CHCHD3: variants seen among roughly 807,000 people sequenced by gnomAD.
CHCHD3 encodes the protein MICOS complex subunit MIC19.
CHCHD3 carries 20 observed loss-of-function variants against 38.2 expected under a neutral mutation model. That is an observed-to-expected ratio of 0.52 (90% CI 0.37 to 0.76). The LOEUF (loss-of-function observed/expected upper bound fraction) is 0.76. CHCHD3 is among the 30% of genes least tolerant of loss of function. The probability of loss-of-function intolerance (pLI) is 0.00; values close to 1 mark genes in which losing one functional copy is unlikely to be tolerated. For missense variants in CHCHD3, 245 were observed against 279.2 expected, an observed-to-expected ratio of 0.88 and a Z score of 0.87; for synonymous variants, 82 against 100.0, an observed-to-expected ratio of 0.82 and a Z score of 1.07.
intron 4 of CHCHD3, among the ~76,000 whole-genome samples, chr7:132,969,009 A>G (rs563013424): frequency 6.6e-6 from 1 of 152,302 alleles, no homozygotes; most frequent in Non-Finnish European, 1.5e-5. Flanking sequence ...TACAGCACAA[A>G]ATTAATCAAT....
chr7:132,812,852 T>C (rs569815007), intron 6 of CHCHD3, among the ~76,000 whole-genome samples: 191 of 152,306 alleles, frequency 1.3e-3, no homozygotes, highest in Middle Eastern at 3.4e-3. Flanking sequence ...TAGATTTCCC[T>C]TCAGAACCCC....
chr7:133,034,508 C>CTTTTTTTTTTTTTT lies in CHCHD3; in HGVS notation c.170-9895_170-9882dup, dbSNP rs146912120. 36 of 285,176 alleles carry CTTTTTTTTTTTTTT rather than the reference C, an allele frequency of 1.3e-4. 2 individuals are homozygous for CTTTTTTTTTTTTTT. The highest frequency in any genetic ancestry group is 3.0e-4 in the Admixed American group (4 of 13,394). 17.7% of individuals were successfully genotyped at this position (285,176 alleles called of 1,614,324 possible). A position where few individuals can be genotyped will look rare whatever the true frequency, so the allele number is the denominator to read the frequency against. On this transcript the variant is annotated intron_variant, in intron 2 of 7. Coordinates refer to ENST00000262570, the MANE Select transcript of CHCHD3 (RefSeq NM_017812.4). Reference sequence around the variant, plus strand: ...AGTCCTTTCAGCAATTGGATCCAGTCTTTTTTTTTTTTTTTTTTTTTTCAA... The same window carrying CTTTTTTTTTTTTTT: ...AGTCCTTTCAGCAATTGGATCCAGTCTTTTTTTTTTTTTTTTTTTTTTTTTTTTTTTTTTTTCAA...
chr7:132,918,300 T>C lies in CHCHD3; in HGVS notation c.370-32555A>G, dbSNP rs368107974. ...AGGACCATGGGAAGACTTCATGGGC[T>C]ACCCAGGCTTTAGATTCCCCATCAG... On this transcript the variant is annotated intron_variant, in intron 4 of 7. Transcript: ENST00000262570. Among the ~76,000 whole-genome samples, 7 of 152,298 alleles carry C rather than the reference T, an allele frequency of 4.6e-5. No homozygotes were observed. The South Asian group carries it at 6.2e-4, about 14-fold the overall frequency.
intron 3 of CHCHD3, 146 bp downstream of exon 3, chr7:133,024,400 C>T (rs1455561691): frequency 2.0e-5 from 14 of 691,914 alleles, no homozygotes; most frequent in South Asian, 1.4e-4. Context: ...AATCTAAAAC[C>T]GAAAATGGCC....
intron 4 of CHCHD3, chr7:132,973,922 G>A (rs900595626): frequency 2.4e-6 from 3 of 1,266,904 alleles, no homozygotes; most frequent in African/African-American, 1.5e-5. Context: ...GCTCCAATGA[G>A]GACTAAAGGT....
chr7:133,047,981 C>T (rs1270788797), intron 2 of CHCHD3, among the ~76,000 whole-genome samples: 1 of 152,004 alleles, frequency 6.6e-6, no homozygotes, highest in Non-Finnish European at 1.5e-5. Context: ...CCAAGCTACT[C>T]GGGAGGCTGA....
intron 2 of CHCHD3, among the ~76,000 whole-genome samples, chr7:133,046,186 C>T (rs777927685): frequency 2.6e-5 from 4 of 151,966 alleles, no homozygotes; most frequent in East Asian, 1.9e-4. Context: ...CATGAGAGAC[C>T]GGTATAATCT....
chr7:132,816,512 C>T (rs1264355107), intron 6 of CHCHD3, among the ~76,000 whole-genome samples: 1 of 152,204 alleles, frequency 6.6e-6, no homozygotes, highest in East Asian at 1.9e-4. Context: ...CATTTGGCTT[C>T]ATAGTTAATT....
At chr7:132,972,561 A>G (rs1448514903) in intron 4 of CHCHD3, 2 of 982,314 alleles carry the variant, frequency 2.0e-6, no homozygotes, top group East Asian at 2.3e-4. Flanking sequence ...ATAATAAATA[A>G]CAACAATAAA....
intron 6 of CHCHD3, among the ~76,000 whole-genome samples, chr7:132,811,538 C>G (rs1046593882): frequency 2.0e-5 from 3 of 152,236 alleles, no homozygotes; most frequent in African/African-American, 7.2e-5. Flanking sequence ...GCCTCCACTT[C>G]CTTACCTTCC....
intron 5 of CHCHD3, among the ~76,000 whole-genome samples, chr7:132,842,463 A>G (rs937644717): frequency 1.3e-5 from 2 of 152,248 alleles, no homozygotes; most frequent in Non-Finnish European, 2.9e-5. Context: ...TAACAATGTT[A>G]CAATAGTAGT....
chr7:133,041,178 G>A (rs1813827622), intron 2 of CHCHD3, among the ~76,000 whole-genome samples: 1 of 152,148 alleles, frequency 6.6e-6, no homozygotes, highest in African/African-American at 2.4e-5. Flanking sequence ...TGCTTGTATA[G>A]TGGGAATTAT....
At chr7:132,790,982 G>A (rs1331489951) in intron 7 of CHCHD3, among the ~76,000 whole-genome samples, 3 of 152,228 alleles carry the variant, frequency 2.0e-5, no homozygotes, top group African/African-American at 7.2e-5. Context: ...TTGGTCTGAT[G>A]AGACCTCTGC....
chr7:133,011,015 C>A (rs1198622610), intron 3 of CHCHD3, among the ~76,000 whole-genome samples: 1 of 152,140 alleles, frequency 6.6e-6, no homozygotes, highest in Admixed American at 6.5e-5. Context: ...CCAGGGAAAT[C>A]CTCTCTGTAG....
intron 6 of CHCHD3, among the ~76,000 whole-genome samples, chr7:132,833,605 T>C (rs970055008): frequency 6.6e-6 from 1 of 152,180 alleles, no homozygotes; most frequent in Non-Finnish European, 1.5e-5. Flanking sequence ...GTTTTCTTAG[T>C]TGTATATTCA....
At chr7:133,024,258 G>A (rs2117441805) in intron 3 of CHCHD3, among the ~76,000 whole-genome samples, 2 of 152,236 alleles carry the variant, frequency 1.3e-5, no homozygotes, top group South Asian at 4.1e-4. Context: ...GGAAATTCCT[G>A]GAGAATACTC....
chr7:132,900,021 C>A (rs1022093628), intron 4 of CHCHD3, among the ~76,000 whole-genome samples: 7 of 152,152 alleles, frequency 4.6e-5, no homozygotes, highest in Non-Finnish European at 8.8e-5. Context: ...ACCTGGATGC[C>A]AGGGGCAGAC....
chr7:132,798,126 T>C (rs1806669520), intron 6 of CHCHD3, among the ~76,000 whole-genome samples: 1 of 152,160 alleles, frequency 6.6e-6, no homozygotes, highest in Non-Finnish European at 1.5e-5. Flanking sequence ...TACACTAAGC[T>C]AATATATATT....
At chr7:132,890,808 T>C (rs1809341297) in intron 4 of CHCHD3, among the ~76,000 whole-genome samples, 1 of 152,230 alleles carries the variant, frequency 6.6e-6, no homozygotes. Context: ...CTAAATCTTT[T>C]AACAATCTGA....
Sources: allele counts gnomAD v4.1 joint callset (sites outside exome capture counted in the v4.1 genomes callset), GRCh38; gene constraint gnomAD v4.1.1; transcripts MANE v1.5; gene names NCBI Gene and HGNC (gene_info 2026-07-23, HGNC 2026-07-21).